Variants in FSTL4 observed in about 807,000 individuals in gnomAD.
FSTL4 encodes the protein follistatin like 4.
A neutral mutation model predicts 78.2 loss-of-function variants in FSTL4; 28 were observed. The observed-to-expected ratio is 0.36, with a 90% CI of 0.27 to 0.49. FSTL4 has a LOEUF of 0.49. FSTL4 is among the 20% of genes least tolerant of loss of function. FSTL4 has a pLI of 0.98. For synonymous variants in FSTL4, 422 were observed against 440.5 expected (o/e 0.96, Z 0.53); for missense variants, 922 against 1,084.9 (o/e 0.85, Z 2.11).
intron 3 of FSTL4, among the ~76,000 whole-genome samples, chr5:133,415,394 A>G (rs917217617): frequency 6.6e-6 from 1 of 152,238 alleles, no homozygotes; most frequent in Non-Finnish European, 1.5e-5. Flanking sequence ...GCAAAATTAG[A>G]CAATCTTAAA....
chr5:133,643,592 G>C, the FSTL4 span, among the ~76,000 whole-genome samples: 1 of 151,876 alleles, frequency 6.6e-6, no homozygotes, highest in Non-Finnish European at 1.5e-5. Flanking sequence ...TGGTCCTCTG[G>C]AGTTCTTCAC....
chr5:133,225,268 G>A lies in FSTL4; in HGVS notation c.1194C>T (p.Leu398=). 6.2e-7 allele frequency: 1 copy of A among 1,614,228 alleles called. No individual in the cohort carries two copies. Among genetic ancestry groups the A allele is most frequent in the Non-Finnish European group, 8.5e-7 (1 of 1,180,044 alleles). ...CTTCATACCGAACACTGCTGATGTG[G>A]AGTTCGCTCCCATTGGCTGCAGACA... ...QLSLLANGSE[L]HISSVRYEDT... Residue 398 remains leucine (L), a synonymous_variant, in exon 10 of 16, where the codon CTC becomes CTT. Transcript: ENST00000265342. The surrounding 1 kb of genome is among the most constrained non-coding windows in gnomAD (Gnocchi z 4.6).
the FSTL4 span, among the ~76,000 whole-genome samples, chr5:133,658,796 G>A: frequency 6.6e-6 from 1 of 152,098 alleles, no homozygotes; most frequent in African/African-American, 2.4e-5. Flanking sequence ...CTTTGAACAT[G>A]ACTCACATAA....
At chr5:133,377,569 G>C (rs548828197) in intron 4 of FSTL4, among the ~76,000 whole-genome samples, 3 of 151,860 alleles carry the variant, frequency 2.0e-5, no homozygotes, top group African/African-American at 7.2e-5. Flanking sequence ...AGCTCCATGA[G>C]AGCAACAAGC....
intron 4 of FSTL4, among the ~76,000 whole-genome samples, chr5:133,374,723 A>ATCTC (rs111630345): frequency 6.7e-5 from 10 of 148,984 alleles, no homozygotes; most frequent in African/African-American, 2.2e-4. Context: ...GGAAGAGATG[A>ATCTC]TCTCTCTCTC....
rs1406112782 is a variant in FSTL4, at chr5:133,338,222, C to A, written c.410-21570G>T. ...ACTGGCCCTGGCCCTGATGACCCCC[C>A]GGGTGTGTGCCCCTATTCCTGTCTG... On this transcript the variant is annotated intron_variant, in intron 4 of 15. Transcript: ENST00000265342. This position sits in a 1 kb window ranked among gnomAD's most constrained non-coding sequence, Gnocchi z 4.0. Among the ~76,000 whole-genome samples the A allele has an allele frequency of 6.6e-6, 1 of 152,104 alleles. No individual in the cohort carries two copies. Among genetic ancestry groups the A allele is most frequent in the Admixed American group, 6.5e-5 (1 of 15,282 alleles).
At chr5:133,542,277 G>A (rs1400498057) in intron 3 of FSTL4, among the ~76,000 whole-genome samples, 1 of 152,004 alleles carries the variant, frequency 6.6e-6, no homozygotes. Context: ...ATTGTTCTGT[G>A]GTGAAATACA....
the FSTL4 span, among the ~76,000 whole-genome samples, chr5:133,639,754 T>C: frequency 6.6e-6 from 1 of 152,160 alleles, no homozygotes. Context: ...GGAGGTCCCA[T>C]AACAAGTGGG....
At chr5:133,425,138 TAG>T (rs1756784129) in intron 3 of FSTL4, among the ~76,000 whole-genome samples, 1 of 152,200 alleles carries the variant, frequency 6.6e-6, no homozygotes. Flanking sequence ...GGACTTGATG[TAG>T]ATTTTGTTAC....
At chr5:133,478,740 A>T (rs370336242) in intron 3 of FSTL4, among the ~76,000 whole-genome samples, 4 of 152,106 alleles carry the variant, frequency 2.6e-5, no homozygotes, top group South Asian at 4.1e-4. Context: ...AACTGGGGTA[A>T]TTTGCTCACA....
At chr5:133,312,536 C>T in intron 6 of FSTL4, 118 bp downstream of exon 6, 1 of 828,090 alleles carries the variant, frequency 1.2e-6, no homozygotes, top group South Asian at 1.6e-5. Flanking sequence ...CACCAGCTTT[C>T]CTCTGTATAA....
chr5:133,548,430 CA>C (rs1254383968), intron 3 of FSTL4, among the ~76,000 whole-genome samples: 2 of 151,936 alleles, frequency 1.3e-5, no homozygotes, highest in Non-Finnish European at 2.9e-5. Context: ...TCAGACTACA[CA>C]AAAAGGCTTT....
intron 4 of FSTL4, among the ~76,000 whole-genome samples, chr5:133,392,895 A>G (rs1755885368): frequency 6.6e-6 from 1 of 152,200 alleles, no homozygotes; most frequent in Non-Finnish European, 1.5e-5. Flanking sequence ...GCAATTTTTA[A>G]TTACTGGAAT....
chr5:133,433,082 A>G (rs1003977879), intron 3 of FSTL4, among the ~76,000 whole-genome samples: 1 of 152,244 alleles, frequency 6.6e-6, no homozygotes, highest in Admixed American at 6.5e-5. Context: ...AGAAGGAAAG[A>G]GAAATTTCAG....
chr5:133,632,848 A>T, the FSTL4 span, among the ~76,000 whole-genome samples: 1 of 151,910 alleles, frequency 6.6e-6, no homozygotes. Context: ...CACCACACTC[A>T]GCTAATTTTT....
chr5:133,609,602 G>A (rs1341208259), intron 1 of FSTL4, among the ~76,000 whole-genome samples: 1 of 152,212 alleles, frequency 6.6e-6, no homozygotes, highest in Non-Finnish European at 1.5e-5. Flanking sequence ...GCAAGCTAAC[G>A]TTGCAGCAAG....
chr5:133,531,862 G>A lies in FSTL4; in HGVS notation c.160+35324C>T, dbSNP rs189833794. On this transcript the variant is annotated intron_variant, in intron 3 of 15. Coordinates refer to ENST00000265342, the MANE Select transcript of FSTL4 (RefSeq NM_015082.2). ...GTAGGACACAACCCTTCAATAATCT[G>A]CATGCCTTTACTGTGGGAAGGAAAA... Among the ~76,000 whole-genome samples, 151 of 152,270 alleles carry A rather than the reference G, an allele frequency of 9.9e-4. 4 individuals are homozygous for A. Among genetic ancestry groups the A allele is most frequent in the Admixed American group, 6.5e-3 (100 of 15,298 alleles).
chr5:133,310,248 T>C (rs1753748453), intron 6 of FSTL4, among the ~76,000 whole-genome samples: 4 of 152,210 alleles, frequency 2.6e-5, no homozygotes, highest in African/African-American at 7.2e-5. Context: ...TGATGAATGG[T>C]TTGGCTGTCT....
At chr5:133,663,621 G>A in the FSTL4 span, among the ~76,000 whole-genome samples, 2 of 152,232 alleles carry the variant, frequency 1.3e-5, no homozygotes, top group East Asian at 3.8e-4. Flanking sequence ...GTCATGACAT[G>A]CCTTTCTGCT....
Sources: allele counts gnomAD v4.1 joint callset (sites outside exome capture counted in the v4.1 genomes callset), GRCh38; gene constraint gnomAD v4.1.1; non-coding constraint Gnocchi (gnomAD v3.1); transcripts MANE v1.5; gene names NCBI Gene and HGNC (gene_info 2026-07-23, HGNC 2026-07-21).